WWOX: variants seen among roughly 807,000 people sequenced by gnomAD.
WWOX encodes WW domain-containing oxidoreductase.
A neutral mutation model predicts 46.2 loss-of-function variants in WWOX; 69 were observed. That is an observed-to-expected ratio of 1.49 (90% CI 1.23 to 1.82). WWOX has a LOEUF of 1.82. Ranked by LOEUF, WWOX falls within the 40% of genes most tolerant of loss-of-function variation. The pLI is 0.00. For synonymous variants in WWOX, 359 were observed against 202.6 expected (o/e 1.77, Z -6.56); for missense variants, 919 against 542.6 (o/e 1.69, Z -6.89).
intron 8 of WWOX, among the ~76,000 whole-genome samples, chr16:78,773,591 C>T (rs143913195): frequency 1.3e-5 from 2 of 152,126 alleles, no homozygotes; most frequent in African/African-American, 2.4e-5. Flanking sequence ...GCTCCGCACT[C>T]GTGGGTGGAA....
chr16:78,753,128 C>G (rs1054602695), intron 8 of WWOX, among the ~76,000 whole-genome samples: 1 of 152,076 alleles, frequency 6.6e-6, no homozygotes, highest in African/African-American at 2.4e-5. Flanking sequence ...AACCCCGTCT[C>G]TACTAATAAT....
chr16:78,877,715 T>A (rs2044262799), intron 8 of WWOX, among the ~76,000 whole-genome samples: 1 of 152,202 alleles, frequency 6.6e-6, no homozygotes, highest in Non-Finnish European at 1.5e-5. Context: ...TCTCTTTTGC[T>A]CACTATTGTA....
chr16:79,072,688 A>G (rs1369005593), intron 8 of WWOX, among the ~76,000 whole-genome samples: 1 of 152,174 alleles, frequency 6.6e-6, no homozygotes, highest in African/African-American at 2.4e-5. Context: ...CACCATCACC[A>G]TCACCATCGT....
intron 3 of WWOX, 104 bp downstream of exon 3, chr16:78,109,939 CAG>C (rs1567575166): frequency 6.6e-6 from 8 of 1,206,438 alleles, no homozygotes; most frequent in African/African-American, 1.5e-5. Flanking sequence ...CAAAGTATAA[CAG>C]TGTGTATCTG....
At chr16:78,666,877 A>G (rs1452679165) in intron 8 of WWOX, among the ~76,000 whole-genome samples, 1 of 152,192 alleles carries the variant, frequency 6.6e-6, no homozygotes, top group African/African-American at 2.4e-5. Context: ...GAGGCTCCAT[A>G]CTAAATTCAG....
At chr16:78,823,997 C>G (rs961143784) in intron 8 of WWOX, among the ~76,000 whole-genome samples, 4 of 152,044 alleles carry the variant, frequency 2.6e-5, no homozygotes, top group African/African-American at 7.2e-5. Context: ...TGGTCTCAAA[C>G]TTCTGGCCTC....
At chr16:79,081,757 C>T (rs997268944) in intron 8 of WWOX, among the ~76,000 whole-genome samples, 1 of 152,130 alleles carries the variant, frequency 6.6e-6, no homozygotes, top group African/African-American at 2.4e-5. Flanking sequence ...TGCGGGGGCT[C>T]CTGTCTCACG....
intron 8 of WWOX, among the ~76,000 whole-genome samples, chr16:78,681,483 A>G (rs915780684): frequency 6.6e-6 from 1 of 152,044 alleles, no homozygotes; most frequent in Non-Finnish European, 1.5e-5. Flanking sequence ...CACTTGAATC[A>G]GAGCCCTTTT....
At chr16:78,800,737 C>T (rs2050864516) in intron 8 of WWOX, among the ~76,000 whole-genome samples, 2 of 152,076 alleles carry the variant, frequency 1.3e-5, no homozygotes, top group South Asian at 2.1e-4. Context: ...GTCTAAAATC[C>T]CAAATGCATT....
At chr16:78,585,978 C>T (rs951587905) in intron 8 of WWOX, among the ~76,000 whole-genome samples, 3 of 152,000 alleles carry the variant, frequency 2.0e-5, no homozygotes, top group African/African-American at 7.2e-5. Flanking sequence ...TCGGGGATCC[C>T]TTGAGCCCAG....
intron 8 of WWOX, among the ~76,000 whole-genome samples, chr16:78,567,714 C>T (rs915964636): frequency 4.6e-5 from 7 of 152,010 alleles, no homozygotes; most frequent in Admixed American, 4.6e-4. Context: ...TGGAGAGTTC[C>T]AGCTCATCCA....
At chr16:79,162,157 A>G (rs1455104119) in intron 8 of WWOX, among the ~76,000 whole-genome samples, 2 of 152,118 alleles carry the variant, frequency 1.3e-5, no homozygotes, top group Admixed American at 1.3e-4. Context: ...GTTTTGCACA[A>G]GTGTTTTCTT....
intron 8 of WWOX, among the ~76,000 whole-genome samples, chr16:78,442,206 A>G (rs1344709211): frequency 6.6e-6 from 1 of 152,176 alleles, no homozygotes; most frequent in African/African-American, 2.4e-5. Context: ...ATGCATTGTG[A>G]AATGACTACC....
At chr16:79,026,967 T>C (rs901889821) in intron 8 of WWOX, among the ~76,000 whole-genome samples, 1 of 151,294 alleles carries the variant, frequency 6.6e-6, no homozygotes, top group African/African-American at 2.4e-5. Context: ...TGCTGAATAC[T>C]GAGTAAATAA....
chr16:79,124,291 G>T (rs890189098), intron 8 of WWOX, among the ~76,000 whole-genome samples: 1 of 152,048 alleles, frequency 6.6e-6, no homozygotes, highest in Non-Finnish European at 1.5e-5. Flanking sequence ...AAGCATCCGC[G>T]CTTGCATGGA....
intron 8 of WWOX, among the ~76,000 whole-genome samples, chr16:79,080,563 G>T (rs2048742030): frequency 6.6e-6 from 1 of 152,202 alleles, no homozygotes; most frequent in Admixed American, 6.5e-5. Flanking sequence ...GAACCAGATT[G>T]TCTAACACTG....
At chr16:78,957,697 T>G (rs2046196003) in intron 8 of WWOX, among the ~76,000 whole-genome samples, 1 of 152,184 alleles carries the variant, frequency 6.6e-6, no homozygotes, top group South Asian at 2.1e-4. Context: ...GTTGTTTGAT[T>G]TATGTATGTG....
chr16:78,581,526 G>A (rs16948114), intron 8 of WWOX, among the ~76,000 whole-genome samples: 8,324 of 152,130 alleles, frequency 0.055, 385 homozygotes, highest in African/African-American at 0.13. Context: ...TAGTCTTGTC[G>A]TCTTACACGT....
At chr16:78,200,213 T>C (rs2036189457) in intron 5 of WWOX, among the ~76,000 whole-genome samples, 1 of 152,098 alleles carries the variant, frequency 6.6e-6, no homozygotes, top group African/African-American at 2.4e-5. Flanking sequence ...TGATCTCCTC[T>C]GCACGTAGTA....
Sources: allele counts gnomAD v4.1 joint callset (sites outside exome capture counted in the v4.1 genomes callset), GRCh38; gene constraint gnomAD v4.1.1; transcripts MANE v1.5; gene names NCBI Gene and HGNC (gene_info 2026-07-23, HGNC 2026-07-21).